ASB3: variants seen among roughly 807,000 people sequenced by gnomAD.
ASB3 encodes ankyrin repeat and SOCS box protein 3.
Under a neutral mutation model 54.5 loss-of-function variants are expected in ASB3, and 41 were observed. The ratio of observed to expected loss-of-function variants is 0.75; its 90% CI spans 0.59 to 0.98. The LOEUF is 0.98. Ranked by LOEUF, ASB3 falls within the 50% of genes least tolerant of loss-of-function variation. ASB3 has a pLI of 0.00. For missense variants in ASB3, 733 were observed against 620.0 expected (o/e 1.18, Z -1.94); for synonymous variants, 266 against 221.2 (o/e 1.20, Z -1.80).
rs1383477229 is a variant in ASB3, at chr2:53,690,190, C to A, written c.1369+3694G>T. On this transcript the variant is annotated intron_variant, in intron 9 of 9. Coordinates refer to ENST00000263634, the MANE Select transcript of ASB3 (RefSeq NM_016115.5). ...GGTAGAGGCTGCAGTGAGCCATGAT[C>A]ATGCCACTGCACTCCAGCCTGGTCA... is the stretch of plus-strand genomic sequence containing the variant. 2.0e-5 allele frequency among the ~76,000 whole-genome samples: 3 copies of A among 152,092 alleles called. No individual in the cohort carries two copies. In the East Asian group the frequency reaches 5.8e-4, roughly 29 times the overall value.
At chr2:53,786,120 C>T (rs998085268) in intron 1 of ASB3, among the ~76,000 whole-genome samples, 1 of 152,146 alleles carries the variant, frequency 6.6e-6, no homozygotes, top group African/African-American at 2.4e-5. Flanking sequence ...AAAGCCAACA[C>T]TCTATGTCCA....
intron 2 of ASB3, among the ~76,000 whole-genome samples, chr2:53,764,517 T>C (rs994757058): frequency 6.6e-6 from 1 of 152,238 alleles, no homozygotes; most frequent in Non-Finnish European, 1.5e-5. Context: ...TGTGGCACAA[T>C]GACTATCACA....
intron 2 of ASB3, among the ~76,000 whole-genome samples, chr2:53,762,107 G>T (rs6705484): frequency 0.37 from 55,532 of 151,952 alleles, 10,436 homozygotes; most frequent in African/African-American, 0.41. Flanking sequence ...AGATAGAGAA[G>T]ATCTGTTAAG....
intron 2 of ASB3, among the ~76,000 whole-genome samples, chr2:53,761,187 C>A (rs1217033149): frequency 1.3e-5 from 2 of 152,108 alleles, no homozygotes; most frequent in Non-Finnish European, 2.9e-5. Flanking sequence ...CCTTTAAACA[C>A]CGGGCTTGTA....
chr2:53,773,871 C>T (rs893815216), intron 1 of ASB3, among the ~76,000 whole-genome samples: 4 of 151,848 alleles, frequency 2.6e-5, no homozygotes, highest in Non-Finnish European at 2.9e-5. Context: ...CCCTTCTCTA[C>T]TAAAAATACA....
rs182974864 is a variant in ASB3, at chr2:53,736,179, T to C, written c.356-6609A>G. ...AATTATTTTTAAAACATGAGAAAAT[T>C]TGTGCAGGAACTTCACAAAGGAGGA... On this transcript the variant is annotated intron_variant, in intron 3 of 9. Transcript: ENST00000263634. 1.8e-3 allele frequency among the ~76,000 whole-genome samples: 273 copies of C among 152,228 alleles called. 1 individual carries two copies. The highest frequency in any genetic ancestry group is 6.1e-3 in the African/African-American group (253 of 41,542).
chr2:53,679,917 C>T (rs963623551), intron 9 of ASB3, among the ~76,000 whole-genome samples: 2 of 152,104 alleles, frequency 1.3e-5, no homozygotes, highest in Non-Finnish European at 2.9e-5. Context: ...ACATAGGCCA[C>T]AGTGTCTGTT....
intron 7 of ASB3, among the ~76,000 whole-genome samples, chr2:53,707,799 TA>T (rs1669868969): frequency 6.6e-6 from 1 of 151,596 alleles, no homozygotes; most frequent in African/African-American, 2.4e-5. Flanking sequence ...CCATCTCTAC[TA>T]AAAATACAAA....
intron 2 of ASB3, among the ~76,000 whole-genome samples, chr2:53,758,813 A>G (rs914573177): frequency 2.6e-5 from 4 of 151,992 alleles, no homozygotes; most frequent in Non-Finnish European, 5.9e-5. Flanking sequence ...TGGCATCCCT[A>G]TGTTCTTTTT....
At chr2:53,743,595 A>G (rs910351626) in intron 3 of ASB3, among the ~76,000 whole-genome samples, 3 of 152,226 alleles carry the variant, frequency 2.0e-5, no homozygotes, top group African/African-American at 7.2e-5. Flanking sequence ...TAAGAACAAT[A>G]TAAGGATACT....
intron 9 of ASB3, among the ~76,000 whole-genome samples, chr2:53,675,831 C>T (rs1668055515): frequency 6.6e-6 from 1 of 152,150 alleles, no homozygotes; most frequent in Admixed American, 6.5e-5. Context: ...AAAAATATTT[C>T]CTAGTACCTA....
intron 9 of ASB3, 143 bp from the exon 10 acceptor site, chr2:53,670,833 C>G: frequency 1.1e-6 from 1 of 940,868 alleles, no homozygotes; most frequent in Non-Finnish European, 1.6e-6. Context: ...TCAGTATGAC[C>G]ACAATAAACC....
At chr2:53,679,256 C>T (rs1487279109) in intron 9 of ASB3, among the ~76,000 whole-genome samples, 1 of 152,190 alleles carries the variant, frequency 6.6e-6, no homozygotes, top group African/African-American at 2.4e-5. Context: ...CAACCTCTAC[C>T]AGACCTGCAG....
chr2:53,670,759 T>A, intron 9 of ASB3, 69 bp from the exon 10 acceptor site: 2 of 1,468,254 alleles, frequency 1.4e-6, no homozygotes, highest in Non-Finnish European at 1.8e-6. Flanking sequence ...TAAAGGTAAA[T>A]TTTTTTTTCC....
intron 1 of ASB3, chr2:53,774,537 G>A (rs1387105401): frequency 2.0e-6 from 3 of 1,511,562 alleles, no homozygotes; most frequent in Non-Finnish European, 2.7e-6. Context: ...TTAGTCTTCA[G>A]AGAATTAACT....
Position 53,723,811 on chromosome 2 carries a change from T to C in ASB3, c.604+4901A>G, listed in dbSNP as rs567321346. 2.6e-5 allele frequency among the ~76,000 whole-genome samples: 4 copies of C among 152,088 alleles called. No homozygotes were observed. The East Asian group carries it at 7.7e-4, about 29-fold the overall frequency. On this transcript the variant is annotated intron_variant, in intron 5 of 9. Transcript: ENST00000263634. ...TACAGCCATCTGATCTTTGACAAAG[T>C]TGACAAAAATAAGCAATGAGTTAGA...
intron 1 of ASB3, among the ~76,000 whole-genome samples, chr2:53,768,858 G>C (rs1673687561): frequency 6.6e-6 from 1 of 152,140 alleles, no homozygotes; most frequent in African/African-American, 2.4e-5. Flanking sequence ...AATCCATAAA[G>C]AAAACTAAGA....
chr2:53,682,242 A>C (rs1412928990), intron 9 of ASB3, among the ~76,000 whole-genome samples: 1 of 152,102 alleles, frequency 6.6e-6, no homozygotes, highest in African/African-American at 2.4e-5. Context: ...ATTGCATTGA[A>C]TCTGTAGATT....
At chr2:53,769,528 A>C (rs1193033115) in intron 1 of ASB3, among the ~76,000 whole-genome samples, 1 of 152,168 alleles carries the variant, frequency 6.6e-6, no homozygotes, top group Non-Finnish European at 1.5e-5. Flanking sequence ...CCTAGTCAAC[A>C]CAACAGTCCG....
Sources: allele counts gnomAD v4.1 joint callset (sites outside exome capture counted in the v4.1 genomes callset), GRCh38; gene constraint gnomAD v4.1.1; transcripts MANE v1.5; gene names NCBI Gene and HGNC (gene_info 2026-07-23, HGNC 2026-07-21).